Variants in KCNH1 observed in about 807,000 individuals in gnomAD.
KCNH1 encodes potassium voltage-gated channel subfamily H member 1.
In KCNH1, 27 loss-of-function variants were observed where a neutral mutation model predicts 69.2. The observed-to-expected ratio is 0.39, with a 90% CI of 0.29 to 0.54. The LOEUF (loss-of-function observed/expected upper bound fraction) is 0.54, where lower values mean the gene tolerates loss of function less well. Among genes scored for constraint, KCNH1 ranks in the 20% least tolerant of loss-of-function variants. KCNH1 has a pLI of 0.68. For missense variants in KCNH1, 798 were observed against 1,261.6 expected (o/e 0.63, Z 5.57); for synonymous variants, 456 against 487.7 (o/e 0.93, Z 0.86).
rs1249360453 is a variant in KCNH1 at position 210,678,650 on chromosome 1, C to T, written c.*4631G>A. On this transcript the variant is annotated 3_prime_UTR_variant, in exon 11 of 11. Coordinates refer to ENST00000271751, the MANE Select transcript of KCNH1 (RefSeq NM_172362.3). ...AGAAGCCCCAGAATGATGAACTGCT[C>T]ATAAGTAGAAGTGTCCTTGAGGTGT... The T allele has an allele frequency of 6.6e-6, 1 of 152,150 alleles. No individual in the cohort carries two copies. Among genetic ancestry groups the T allele is most frequent in the Non-Finnish European group, 1.5e-5 (1 of 68,024 alleles). 9.4% of individuals were successfully genotyped at this position (152,150 alleles called of 1,614,324 possible). A position where few individuals can be genotyped will look rare whatever the true frequency, so the allele number is the denominator to read the frequency against.
intron 10 of KCNH1, among the ~76,000 whole-genome samples, chr1:210,703,908 A>C (rs2149012428): frequency 6.6e-6 from 1 of 152,330 alleles, no homozygotes; most frequent in South Asian, 2.1e-4. Context: ...GCTAGAATTC[A>C]GGCACCAGCA....
chr1:210,802,922 C>CA (rs895125648), intron 8 of KCNH1, among the ~76,000 whole-genome samples: 20 of 150,184 alleles, frequency 1.3e-4, no homozygotes, highest in African/African-American at 2.4e-4. Flanking sequence ...TAAATTAAAA[C>CA]AAAAAAAAAG....
chr1:211,112,759 T>A lies in KCNH1; in HGVS notation c.80-5382A>T, dbSNP rs1691498286. On this transcript the variant is annotated intron_variant, in intron 1 of 10. Transcript: ENST00000271751. ...GGAATTCCCTCTTTACCCAAGGAGT[T>A]AGAGAGAATGGAAGAAAGATTTCTA... Among the ~76,000 whole-genome samples the A allele has an allele frequency of 3.3e-5, 5 of 152,158 alleles. No individual in the cohort carries two copies. The South Asian group carries it at 1.0e-3, about 32-fold the overall frequency.
intron 7 of KCNH1, among the ~76,000 whole-genome samples, chr1:210,827,671 C>T (rs1685061806): frequency 6.6e-6 from 1 of 152,188 alleles, no homozygotes; most frequent in Admixed American, 6.5e-5. Flanking sequence ...CATATTACAT[C>T]ATCTCCTTAT....
At chr1:211,076,406 A>G (rs984808438) in intron 5 of KCNH1, among the ~76,000 whole-genome samples, 2 of 149,104 alleles carry the variant, frequency 1.3e-5, no homozygotes, top group African/African-American at 5.2e-5. Context: ...AGGCAGCAAT[A>G]TTTGCTGTTC....
At chr1:211,050,713 G>T (rs12759268) in intron 5 of KCNH1, among the ~76,000 whole-genome samples, 1 of 151,882 alleles carries the variant, frequency 6.6e-6, no homozygotes, top group Non-Finnish European at 1.5e-5. Context: ...GGTGAGGCTG[G>T]GTCACAGAAA....
At chr1:210,997,023 A>C (rs1689057803) in intron 6 of KCNH1, among the ~76,000 whole-genome samples, 1 of 152,220 alleles carries the variant, frequency 6.6e-6, no homozygotes, top group South Asian at 2.1e-4. Flanking sequence ...CATCACCATC[A>C]TCAAAGACCA....
At chr1:210,823,390 C>T (rs1419524588) in intron 7 of KCNH1, among the ~76,000 whole-genome samples, 1 of 152,206 alleles carries the variant, frequency 6.6e-6, no homozygotes, top group African/African-American at 2.4e-5. Context: ...GTTGAAGACT[C>T]ACAGAAGTAG....
At chr1:210,996,730 C>G (rs1423014259) in intron 6 of KCNH1, among the ~76,000 whole-genome samples, 1 of 152,192 alleles carries the variant, frequency 6.6e-6, no homozygotes, top group Non-Finnish European at 1.5e-5. Context: ...TGGGAGGCAC[C>G]CCCCAGTAGG....
intron 7 of KCNH1, among the ~76,000 whole-genome samples, chr1:210,846,022 G>T (rs1685535143): frequency 6.6e-6 from 1 of 152,108 alleles, no homozygotes; most frequent in African/African-American, 2.4e-5. Flanking sequence ...CAACTTACAA[G>T]GGATGTGAAG....
At chr1:210,784,801 G>A (rs547759082) in intron 9 of KCNH1, among the ~76,000 whole-genome samples, 44 of 152,258 alleles carry the variant, frequency 2.9e-4, no homozygotes, top group African/African-American at 9.9e-4. Flanking sequence ...GAGTATGTCA[G>A]CCACAAATCT....
At chr1:210,998,465 T>C (rs1689097975) in intron 6 of KCNH1, among the ~76,000 whole-genome samples, 1 of 152,138 alleles carries the variant, frequency 6.6e-6, no homozygotes. Context: ...GAGCTAACTA[T>C]CCTAAATATA....
At chr1:211,057,844 A>G (rs567008979) in intron 5 of KCNH1, among the ~76,000 whole-genome samples, 1 of 152,334 alleles carries the variant, frequency 6.6e-6, no homozygotes, top group South Asian at 2.1e-4. Context: ...AGAGAAAGAT[A>G]TTAATATTCA....
intron 5 of KCNH1, among the ~76,000 whole-genome samples, chr1:211,079,443 G>C (rs1042181407): frequency 2.2e-4 from 34 of 152,178 alleles, no homozygotes; most frequent in Non-Finnish European, 2.9e-5. Context: ...TAGAAAAAGA[G>C]GGAATCCTCC....
chr1:210,879,275 A>C (rs990326566), intron 7 of KCNH1, among the ~76,000 whole-genome samples: 5 of 152,078 alleles, frequency 3.3e-5, no homozygotes, highest in Non-Finnish European at 7.4e-5. Context: ...GGAGGCCAGG[A>C]TTACACTAAT....
intron 6 of KCNH1, among the ~76,000 whole-genome samples, chr1:210,959,459 G>C (rs1009137031): frequency 6.6e-6 from 1 of 152,250 alleles, no homozygotes; most frequent in Non-Finnish European, 1.5e-5. Context: ...AGAGCTGACA[G>C]ACATAGATGT....
At chr1:211,034,309 GA>G (rs201109318) in intron 5 of KCNH1, among the ~76,000 whole-genome samples, 6 of 148,696 alleles carry the variant, frequency 4.0e-5, no homozygotes, top group South Asian at 2.1e-4. Context: ...TCCAGAGACT[GA>G]AAAAAAAACC....
At chr1:210,840,497 G>T (rs1029705120) in intron 7 of KCNH1, among the ~76,000 whole-genome samples, 1 of 152,186 alleles carries the variant, frequency 6.6e-6, no homozygotes, top group Non-Finnish European at 1.5e-5. Flanking sequence ...CAGGAGGGGG[G>T]CATTTGGTGA....
chr1:211,089,512 A>G (rs1433724769), intron 4 of KCNH1, among the ~76,000 whole-genome samples: 2 of 152,204 alleles, frequency 1.3e-5, no homozygotes, highest in Non-Finnish European at 2.9e-5. Flanking sequence ...TGAGTGTCTA[A>G]ATGTGCCAGG....
Sources: gnomAD v4.1 joint callset for allele counts (sites outside exome capture counted in the v4.1 genomes callset) on GRCh38, gnomAD v4.1.1 for gene constraint, MANE v1.5 for transcripts, NCBI Gene and HGNC (gene_info 2026-07-23, HGNC 2026-07-21) for gene names.